Variants in RAPGEF4 observed in about 807,000 individuals in gnomAD.
RAPGEF4 encodes the protein Rap guanine nucleotide exchange factor 4.
A neutral mutation model predicts 147.9 loss-of-function variants in RAPGEF4; 66 were observed. That is an observed-to-expected ratio of 0.45 (90% confidence interval 0.37 to 0.55). The LOEUF is 0.55. Among genes scored for constraint, RAPGEF4 ranks in the 20% least tolerant of loss-of-function variants. The pLI, the probability that RAPGEF4 is intolerant of heterozygous loss-of-function variation, is 0.00. For synonymous variants in RAPGEF4, 419 were observed against 442.7 expected (o/e 0.95, Z 0.67); for missense variants, 1,071 against 1,257.3 (o/e 0.85, Z 2.24).
chr2:172,978,563 C>T (rs1396534077), intron 10 of RAPGEF4, among the ~76,000 whole-genome samples: 1 of 152,198 alleles, frequency 6.6e-6, no homozygotes. Flanking sequence ...CTGAGTGTGA[C>T]AGGCGTGGAA....
intron 21 of RAPGEF4, 94 bp from the exon 22 acceptor site, chr2:173,018,562 C>T (rs1287974305): frequency 7.3e-7 from 1 of 1,371,676 alleles, no homozygotes; most frequent in African/African-American, 1.5e-5. Flanking sequence ...CAAAATGATG[C>T]AAATTGGAGA....
chr2:173,022,566 A>G (rs1457599505), intron 23 of RAPGEF4, among the ~76,000 whole-genome samples: 1 of 152,130 alleles, frequency 6.6e-6, no homozygotes, highest in African/African-American at 2.4e-5. Context: ...AATGTTGGCC[A>G]CACTCTCTGA....
intron 1 of RAPGEF4, 31 bp downstream of exon 1, chr2:172,736,079 G>T: frequency 6.9e-7 from 1 of 1,447,172 alleles, no homozygotes; most frequent in Non-Finnish European, 9.1e-7. Context: ...GCCGGGGGCC[G>T]AGCTCTGCGG....
At chr2:172,935,107 G>T (rs955000322) in intron 6 of RAPGEF4, among the ~76,000 whole-genome samples, 2 of 152,166 alleles carry the variant, frequency 1.3e-5, no homozygotes, top group African/African-American at 4.8e-5. Flanking sequence ...AGCCTGAAGG[G>T]CAGAGGCTGC....
At chr2:172,997,889 C>T (rs182587058) in intron 16 of RAPGEF4, among the ~76,000 whole-genome samples, 33 of 152,250 alleles carry the variant, frequency 2.2e-4, no homozygotes, top group African/African-American at 7.7e-4. Context: ...ATTTTATCTT[C>T]TCATTCCAGT....
At chr2:172,736,192 C>T (rs1056301990) in intron 1 of RAPGEF4, 144 bp downstream of exon 1, 5 of 480,248 alleles carry the variant, frequency 1.0e-5, no homozygotes, top group African/African-American at 6.2e-5. Flanking sequence ...TTGAGGTCCT[C>T]GTCCGGGAGA....
chr2:172,995,097 T>C (rs962184229), intron 15 of RAPGEF4, among the ~76,000 whole-genome samples: 2 of 125,164 alleles, frequency 1.6e-5, no homozygotes, highest in African/African-American at 2.6e-5. Flanking sequence ...TGGGTTAAGA[T>C]CCTGAGATTT....
At chr2:172,875,542 A>C (rs1467027272) in intron 4 of RAPGEF4, among the ~76,000 whole-genome samples, 1 of 152,156 alleles carries the variant, frequency 6.6e-6, no homozygotes, top group African/African-American at 2.4e-5. Context: ...AGGTTTGTCA[A>C]AAATCAGATG....
chr2:172,942,938 A>G (rs1362714849), intron 6 of RAPGEF4, among the ~76,000 whole-genome samples: 2 of 152,098 alleles, frequency 1.3e-5, no homozygotes. Context: ...TCAAGGGCTC[A>G]GTGGTCACAT....
intron 4 of RAPGEF4, among the ~76,000 whole-genome samples, chr2:172,912,322 A>G (rs1268788031): frequency 6.6e-6 from 1 of 152,216 alleles, no homozygotes; most frequent in East Asian, 1.9e-4. Context: ...ACCCATGTGC[A>G]TCTTTGCATA....
rs950582846 is a variant in RAPGEF4 at position 173,038,982 on chromosome 2, C to G, written c.2853+2290C>G. Among the ~76,000 whole-genome samples the G allele has an allele frequency of 2.0e-5, 3 of 152,238 alleles. No homozygotes were observed. In the South Asian group the frequency reaches 6.2e-4, roughly 32 times the overall value. On this transcript the variant is annotated intron_variant, in intron 29 of 30. Transcript: ENST00000397081. ...CTCTCCCCATTTCTGCACTTCATACCCAGAGCAGTGGATTCCTCCATGCCT... is the reference window on the plus strand; with the variant it reads ...CTCTCCCCATTTCTGCACTTCATACGCAGAGCAGTGGATTCCTCCATGCCT...
At chr2:172,943,055 G>A (rs1335306822) in intron 6 of RAPGEF4, among the ~76,000 whole-genome samples, 2 of 152,186 alleles carry the variant, frequency 1.3e-5, no homozygotes, top group East Asian at 3.9e-4. Context: ...TTGAAGGTTG[G>A]GGAAGTCAGG....
chr2:172,788,509 A>T (rs900385644), intron 1 of RAPGEF4, among the ~76,000 whole-genome samples: 2 of 152,258 alleles, frequency 1.3e-5, no homozygotes, highest in African/African-American at 4.8e-5. Flanking sequence ...AAAAGCATAC[A>T]TGTATTATCT....
At chr2:172,973,449 A>G (rs1328721717) in intron 10 of RAPGEF4, among the ~76,000 whole-genome samples, 1 of 152,168 alleles carries the variant, frequency 6.6e-6, no homozygotes, top group African/African-American at 2.4e-5. Context: ...ATAATATTTT[A>G]ATACTCTTCT....
chr2:172,788,422 T>C (rs763360093), intron 1 of RAPGEF4, among the ~76,000 whole-genome samples: 27 of 152,172 alleles, frequency 1.8e-4, no homozygotes, highest in Non-Finnish European at 3.5e-4. Flanking sequence ...CATAAGGAAA[T>C]CAGTCAGTGT....
Position 172,990,813 on chromosome 2 carries a change from G to C in RAPGEF4, c.1378G>C (p.Val460Leu), listed in dbSNP as rs1304557006. 8.8e-5 allele frequency: 142 copies of C among 1,611,574 alleles called. 1 individual carries two copies. The East Asian group carries it at 3.2e-3, about 36-fold the overall frequency. ...KEDFNRILRDVEANTVRLKEH... is the reference protein window; with the variant it reads ...KEDFNRILRDLEANTVRLKEH... The stretch of plus-strand genomic sequence containing the variant: ...GTGGTGTAATTTGTATTTGCAGGAC[G>C]TGGAGGCGAATACAGTCAGACTTAA... The change falls in exon 15 of 31, where the codon GTG becomes CTG. Residue 460 changes from valine (V) to leucine (L), a missense_variant. By Grantham distance (32) the Val-to-Leu change is conservative. Coordinates refer to ENST00000397081, the MANE Select transcript of RAPGEF4 (RefSeq NM_007023.4).
At position 172,868,731 on chromosome 2, in the gene RAPGEF4, G is replaced by T. The variant is rs1694899382; in HGVS notation, c.445-49071G>T. 2.0e-5 allele frequency among the ~76,000 whole-genome samples: 3 copies of T among 152,356 alleles called. 1 individual carries two copies. In the Middle Eastern group the frequency reaches 0.01, roughly 518 times the overall value. On this transcript the variant is annotated intron_variant, in intron 4 of 30. Coordinates refer to ENST00000397081, the MANE Select transcript of RAPGEF4 (RefSeq NM_007023.4). The stretch of plus-strand genomic sequence containing the variant: ...TTCTTCTTCTAAAAGGGGAACGTGT[G>T]TGTTAGTCCATTTGCATTGCTGTGA...
intron 4 of RAPGEF4, among the ~76,000 whole-genome samples, chr2:172,898,665 G>C (rs543352876): frequency 6.6e-6 from 1 of 152,176 alleles, no homozygotes. Flanking sequence ...GGGACAGGTG[G>C]GTAGGGAGGT....
intron 29 of RAPGEF4, among the ~76,000 whole-genome samples, chr2:173,041,346 G>A (rs1286739945): frequency 6.6e-6 from 1 of 152,156 alleles, no homozygotes; most frequent in Non-Finnish European, 1.5e-5. Flanking sequence ...ATCTATGGGA[G>A]TACTTTGAGA....
Sources: allele counts gnomAD v4.1 joint callset (sites outside exome capture counted in the v4.1 genomes callset), GRCh38; gene constraint gnomAD v4.1.1; transcripts MANE v1.5; gene names NCBI Gene and HGNC (gene_info 2026-07-23, HGNC 2026-07-21).